Variants in GALNTL6 observed in about 807,000 individuals in gnomAD.
GALNTL6 encodes polypeptide N-acetylgalactosaminyltransferase like 6, also known as polypeptide N-acetylgalactosaminyltransferase-like 6.
In GALNTL6, 46 loss-of-function variants were observed where a neutral mutation model predicts 73.7. The ratio of observed to expected loss-of-function variants is 0.62; its 90% confidence interval spans 0.49 to 0.80. The LOEUF is 0.80. Among genes scored for constraint, GALNTL6 ranks in the 30% least tolerant of loss-of-function variants. GALNTL6 has a pLI of 0.00. For synonymous variants in GALNTL6, 259 were observed against 263.7 expected (o/e 0.98, Z 0.17); for missense variants, 604 against 755.0 (o/e 0.80, Z 2.34).
At chr4:173,009,566 G>C (rs140343050) in intron 11 of GALNTL6, among the ~76,000 whole-genome samples, 1 of 152,204 alleles carries the variant, frequency 6.6e-6, no homozygotes, top group African/African-American at 2.4e-5. Context: ...TGTGGATTGC[G>C]ACCCTAGTCT....
At chr4:171,920,614 A>C (rs28516370) in intron 2 of GALNTL6, among the ~76,000 whole-genome samples, 2,679 of 152,258 alleles carry the variant, frequency 0.018, 78 homozygotes, top group African/African-American at 0.062. Context: ...ACACTGAAAA[A>C]GTATTTTACA....
intron 5 of GALNTL6, among the ~76,000 whole-genome samples, chr4:172,461,311 C>G (rs1227518125): frequency 6.6e-6 from 1 of 152,074 alleles, no homozygotes; most frequent in African/African-American, 2.4e-5. Context: ...ATGTGTGTAC[C>G]TATGTAACAA....
At chr4:171,923,667 A>C (rs1369617148) in intron 2 of GALNTL6, among the ~76,000 whole-genome samples, 2 of 151,442 alleles carry the variant, frequency 1.3e-5, no homozygotes, top group South Asian at 2.1e-4. Flanking sequence ...TGGCCTCCCA[A>C]AGTGCTGGGA....
intron 2 of GALNTL6, among the ~76,000 whole-genome samples, chr4:172,111,073 C>T (rs1732838411): frequency 6.6e-6 from 1 of 151,954 alleles, no homozygotes; most frequent in African/African-American, 2.4e-5. Context: ...GAGCCCTCTT[C>T]TCACAGGCAA....
chr4:172,594,385 A>G (rs2111007607), intron 5 of GALNTL6, among the ~76,000 whole-genome samples: 3 of 152,242 alleles, frequency 2.0e-5, no homozygotes, highest in Middle Eastern at 6.8e-3. Flanking sequence ...ACTTCTATTA[A>G]TACCCATTTC....
intron 8 of GALNTL6, among the ~76,000 whole-genome samples, chr4:172,892,277 T>G (rs1373184584): frequency 6.6e-6 from 1 of 152,240 alleles, no homozygotes; most frequent in Non-Finnish European, 1.5e-5. Flanking sequence ...CTTTTTCCTT[T>G]TTAAATTGCT....
intron 5 of GALNTL6, among the ~76,000 whole-genome samples, chr4:172,516,121 T>C (rs1324780701): frequency 1.3e-5 from 2 of 152,216 alleles, no homozygotes; most frequent in African/African-American, 4.8e-5. Flanking sequence ...TAGATTTTTA[T>C]TAAATATTTA....
intron 5 of GALNTL6, among the ~76,000 whole-genome samples, chr4:172,641,354 C>T (rs1481343927): frequency 6.6e-6 from 1 of 152,092 alleles, no homozygotes; most frequent in African/African-American, 2.4e-5. Context: ...CAAGGAATTA[C>T]AAGGCCCTGC....
intron 4 of GALNTL6, among the ~76,000 whole-genome samples, chr4:172,319,785 G>A (rs1296675410): frequency 6.6e-6 from 1 of 152,172 alleles, no homozygotes; most frequent in South Asian, 2.1e-4. Context: ...GATCCCTGGT[G>A]AAGTTGGTGA....
intron 2 of GALNTL6, among the ~76,000 whole-genome samples, chr4:172,203,211 T>C (rs1736009966): frequency 6.6e-6 from 1 of 152,156 alleles, no homozygotes; most frequent in Non-Finnish European, 1.5e-5. Flanking sequence ...ATATTGGTTA[T>C]GTTGTTATGG....
At chr4:172,387,913 T>A (rs1743529142) in intron 5 of GALNTL6, among the ~76,000 whole-genome samples, 1 of 152,166 alleles carries the variant, frequency 6.6e-6, no homozygotes, top group Admixed American at 6.5e-5. Context: ...TTCTTCAAAC[T>A]TCATCTTTAC....
intron 2 of GALNTL6, among the ~76,000 whole-genome samples, chr4:171,967,447 G>GTTTTTTTTTTT (rs759348628): frequency 5.0e-3 from 72 of 14,276 alleles, no homozygotes; most frequent in Middle Eastern, 0.1. Context: ...CCCCCTATGG[G>GTTTTTTTTTTT]TTTTTTTTTT....
chr4:172,453,608 T>C (rs1265780147), intron 5 of GALNTL6, among the ~76,000 whole-genome samples: 1 of 152,230 alleles, frequency 6.6e-6, no homozygotes, highest in African/African-American at 2.4e-5. Context: ...ACCTCCTTGC[T>C]TAAATGCTTT....
intron 2 of GALNTL6, among the ~76,000 whole-genome samples, chr4:172,208,196 T>TA (rs1173933402): frequency 1.3e-5 from 2 of 152,198 alleles, no homozygotes; most frequent in Non-Finnish European, 2.9e-5. Context: ...CTCAAAATGA[T>TA]ACTGTCTCTT....
At chr4:172,172,048 A>G (rs28494704) in intron 2 of GALNTL6, among the ~76,000 whole-genome samples, 53,909 of 152,006 alleles carry the variant, frequency 0.35, 9,744 homozygotes, top group Middle Eastern at 0.38. Flanking sequence ...CAAAACTTGT[A>G]TGGTAAAGAC....
chr4:172,351,061 G>A (rs1041860963), intron 5 of GALNTL6, among the ~76,000 whole-genome samples: 8 of 152,088 alleles, frequency 5.3e-5, no homozygotes, highest in African/African-American at 1.9e-4. Context: ...ATGGGAGAGC[G>A]ATTGCTCTCA....
At chr4:171,913,923 G>T (rs1737542653) in intron 2 of GALNTL6, among the ~76,000 whole-genome samples, 1 of 151,990 alleles carries the variant, frequency 6.6e-6, no homozygotes, top group African/African-American at 2.4e-5. Context: ...TGAATAAATG[G>T]CTCAGCTCTT....
intron 5 of GALNTL6, among the ~76,000 whole-genome samples, chr4:172,452,775 T>G (rs1732257784): frequency 6.6e-6 from 1 of 152,218 alleles, no homozygotes; most frequent in African/African-American, 2.4e-5. Context: ...ACAAATATTT[T>G]CTGTAAGACC....
chr4:172,987,911 GA>G (rs1751362978), intron 10 of GALNTL6, among the ~76,000 whole-genome samples: 1 of 152,172 alleles, frequency 6.6e-6, no homozygotes. Flanking sequence ...ACAGCTTGCA[GA>G]ACCGTGAGCC....
Sources: gnomAD v4.1 joint callset for allele counts (sites outside exome capture counted in the v4.1 genomes callset) on GRCh38, gnomAD v4.1.1 for gene constraint, MANE v1.5 for transcripts, NCBI Gene and HGNC (gene_info 2026-07-23, HGNC 2026-07-21) for gene names.